Variants in PKNOX2 observed in about 807,000 individuals in gnomAD.
The protein encoded by PKNOX2 is PBX/knotted 1 homeobox 2.
PKNOX2 carries 14 observed loss-of-function variants against 53.1 expected under a neutral mutation model. The ratio of observed to expected loss-of-function variants is 0.26; its 90% CI spans 0.17 to 0.41. The LOEUF is 0.41. Ranked by LOEUF, PKNOX2 falls within the 10% of genes least tolerant of loss-of-function variation. The pLI is 1.00. For missense variants in PKNOX2, 496 were observed against 602.8 expected, an observed-to-expected ratio of 0.82 and a Z score of 1.85; for synonymous variants, 257 against 242.8, an observed-to-expected ratio of 1.06 and a Z score of -0.54.
rs1484586407 is a variant in PKNOX2, at chr11:125,368,078, C to T, written c.227+93C>T. 5 of 1,455,858 alleles carry T rather than the reference C, an allele frequency of 3.4e-6. No homozygotes were observed. In the South Asian group the frequency reaches 4.0e-5, roughly 12 times the overall value. The allele number at this position is 1,455,858 out of a possible 1,614,324, so 90.2% of individuals were successfully genotyped here. On this transcript the variant is annotated intron_variant, in intron 5 of 12. Coordinates refer to ENST00000298282, the MANE Select transcript of PKNOX2 (RefSeq NM_001382323.2). The stretch of plus-strand genomic sequence containing the variant: ...GAGAATGCAGGCCAAAGGGTGGGCT[C>T]GGCAGAGATGACGGCCAATAGCTAT...
chr11:125,300,733 G>GT (rs1441064549), intron 2 of PKNOX2, among the ~76,000 whole-genome samples: 7 of 152,144 alleles, frequency 4.6e-5, no homozygotes, highest in African/African-American at 1.4e-4. Context: ...ACTACGTACT[G>GT]TTTATCCCAA....
At chr11:125,213,287 G>A (rs559417174) in intron 1 of PKNOX2, among the ~76,000 whole-genome samples, 7 of 152,204 alleles carry the variant, frequency 4.6e-5, no homozygotes, top group Admixed American at 2.0e-4. Context: ...ACAAGCCTTG[G>A]CTCTCATCTT....
intron 2 of PKNOX2, among the ~76,000 whole-genome samples, chr11:125,239,886 A>C (rs1943014180): frequency 6.6e-6 from 1 of 152,178 alleles, no homozygotes; most frequent in Non-Finnish European, 1.5e-5. Flanking sequence ...GTCCAGCTTA[A>C]TTGGTGTGAT....
At chr11:125,329,988 C>T (rs553272484) in intron 2 of PKNOX2, among the ~76,000 whole-genome samples, 2 of 152,158 alleles carry the variant, frequency 1.3e-5, no homozygotes, top group East Asian at 1.9e-4. Context: ...ACGGCTGTGT[C>T]GGCAGTGCCT....
chr11:125,401,332 G>A (rs1478912088), intron 7 of PKNOX2, among the ~76,000 whole-genome samples: 1 of 152,184 alleles, frequency 6.6e-6, no homozygotes, highest in African/African-American at 2.4e-5. Context: ...GCAAGTGAAA[G>A]GACAATGCAT....
intron 2 of PKNOX2, among the ~76,000 whole-genome samples, chr11:125,305,226 TTTTACAGTGG>T (rs1403985233): frequency 6.6e-6 from 1 of 152,152 alleles, no homozygotes; most frequent in African/African-American, 2.4e-5. Flanking sequence ...GGCTTCAGCC[TTTTACAGTGG>T]AGTCACAACC....
chr11:125,237,264 G>A (rs1942772833), intron 2 of PKNOX2, among the ~76,000 whole-genome samples: 1 of 152,192 alleles, frequency 6.6e-6, no homozygotes. Flanking sequence ...AGTGGAAGCT[G>A]TGTTGCCTTT....
intron 2 of PKNOX2, among the ~76,000 whole-genome samples, chr11:125,284,970 G>A (rs753291408): frequency 2.0e-5 from 3 of 152,024 alleles, no homozygotes; most frequent in Admixed American, 6.6e-5. Context: ...GACTGATTGA[G>A]TGGGAGGCTT....
chr11:125,239,286 T>C (rs1039045261), intron 2 of PKNOX2, among the ~76,000 whole-genome samples: 3 of 152,162 alleles, frequency 2.0e-5, no homozygotes, highest in African/African-American at 7.2e-5. Flanking sequence ...ACTAGCCAGG[T>C]ATACTGCTGC....
intron 2 of PKNOX2, among the ~76,000 whole-genome samples, chr11:125,264,458 A>G (rs1380306708): frequency 6.6e-6 from 1 of 152,048 alleles, no homozygotes; most frequent in Non-Finnish European, 1.5e-5. Flanking sequence ...GAGGTCAGGG[A>G]TAGTGTCTCT....
At chr11:125,346,743 T>TGGAA (rs1386169512) in intron 3 of PKNOX2, among the ~76,000 whole-genome samples, 3 of 136,662 alleles carry the variant, frequency 2.2e-5, no homozygotes, top group South Asian at 2.1e-4. Context: ...TTAGCTGCTA[T>TGGAA]GGAAGGAAGG....
rs1201379428 is a variant in PKNOX2, at chr11:125,315,328, A to AAAAAAAAAAAAAAAAAC, written c.-129-16491_-129-16490insAAAAAAAAAAAAAAAAC. On this transcript the variant is annotated intron_variant, in intron 2 of 12. Transcript: ENST00000298282. ...GAAAAAAAAAAAAAAAAAAAAAAAA[A>AAAAAAAAAAAAAAAAAC]CACCTCTCTCTGCATTAAAATTGAT... Among the ~76,000 whole-genome samples the AAAAAAAAAAAAAAAAAC allele has an allele frequency of 9.1e-4, 131 of 144,742 alleles. 4 individuals are homozygous for AAAAAAAAAAAAAAAAAC. Among genetic ancestry groups the AAAAAAAAAAAAAAAAAC allele is most frequent in the African/African-American group, 3.5e-3 (129 of 36,390 alleles). The allele number at this position is 144,742 out of a possible 152,430, so 95.0% of individuals were successfully genotyped here. A position where few individuals can be genotyped will look rare whatever the true frequency, so the allele number is the denominator to read the frequency against.
intron 3 of PKNOX2, among the ~76,000 whole-genome samples, chr11:125,344,424 G>A (rs1445014337): frequency 6.6e-6 from 1 of 152,180 alleles, no homozygotes; most frequent in African/African-American, 2.4e-5. Context: ...CTCACAGAAG[G>A]CTCTTACCAT....
chr11:125,402,376 G>T (rs1197502481), intron 7 of PKNOX2, among the ~76,000 whole-genome samples: 1 of 152,154 alleles, frequency 6.6e-6, no homozygotes, highest in Non-Finnish European at 1.5e-5. Flanking sequence ...TTCCTAGAGG[G>T]CGCAAATGGA....
At chr11:125,382,842 G>T (rs4937006) in intron 5 of PKNOX2, among the ~76,000 whole-genome samples, 8 of 152,222 alleles carry the variant, frequency 5.3e-5, no homozygotes, top group Non-Finnish European at 4.4e-5. Flanking sequence ...CTAAGCTAAC[G>T]CATTGTTTTC....
At chr11:125,319,251 G>A (rs934443910) in intron 2 of PKNOX2, among the ~76,000 whole-genome samples, 1 of 151,834 alleles carries the variant, frequency 6.6e-6, no homozygotes, top group Non-Finnish European at 1.5e-5. Flanking sequence ...ATCTTATAGG[G>A]GTACATTTTA....
At chr11:125,226,423 C>T (rs762735641) in intron 1 of PKNOX2, among the ~76,000 whole-genome samples, 26 of 152,148 alleles carry the variant, frequency 1.7e-4, no homozygotes, top group Non-Finnish European at 3.1e-4. Context: ...CTGCTACCAC[C>T]TTAAGGTTCT....
At chr11:125,306,193 G>A (rs1040247555) in intron 2 of PKNOX2, among the ~76,000 whole-genome samples, 7 of 150,192 alleles carry the variant, frequency 4.7e-5, no homozygotes, top group African/African-American at 7.3e-5. Context: ...CCTGCCCGGC[G>A]GCAGGTGGCT....
At chr11:125,264,139 A>G (rs1475832118) in intron 2 of PKNOX2, among the ~76,000 whole-genome samples, 3 of 152,176 alleles carry the variant, frequency 2.0e-5, no homozygotes, top group African/African-American at 7.2e-5. Flanking sequence ...GGGAATCCTT[A>G]GAGGTGAAGA....
Sources: gnomAD v4.1 joint callset for allele counts (sites outside exome capture counted in the v4.1 genomes callset) on GRCh38, gnomAD v4.1.1 for gene constraint, MANE v1.5 for transcripts, NCBI Gene and HGNC (gene_info 2026-07-23, HGNC 2026-07-21) for gene names.